The following UGT1A9 variants were observed in gnomAD, a reference collection of about 807,000 sequenced individuals.
The protein encoded by UGT1A9 is UDP glucuronosyltransferase family 1 member A9, also known as UDP-glucuronosyltransferase 1A9.
A neutral mutation model predicts 45.0 loss-of-function variants in UGT1A9; 35 were observed. The ratio of observed to expected loss-of-function variants is 0.78; its 90% CI spans 0.59 to 1.03. The LOEUF (loss-of-function observed/expected upper bound fraction) is 1.03. UGT1A9 is among the 50% of genes least tolerant of loss of function. The pLI, the probability that UGT1A9 is intolerant of heterozygous loss-of-function variation, is 0.00. For synonymous variants in UGT1A9, 278 were observed against 250.6 expected, an observed-to-expected ratio of 1.11 and a Z score of -1.03; for missense variants, 687 against 666.6, an observed-to-expected ratio of 1.03 and a Z score of -0.34.
intron 1 of UGT1A9, chr2:233,717,721 G>A: frequency 2.2e-6 from 1 of 454,902 alleles, no homozygotes; most frequent in South Asian, 1.6e-5. Context: ...TCATGGGCAT[G>A]AGACCATTGT....
At chr2:233,748,098 A>G (rs1489577021) in intron 1 of UGT1A9, 1 of 1,612,584 alleles carries the variant, frequency 6.2e-7, no homozygotes, top group African/African-American at 1.3e-5. Flanking sequence ...TCGTGCCTTC[A>G]TCCAATCAAT....
chr2:233,676,215 C>T (rs1262027690), intron 1 of UGT1A9, among the ~76,000 whole-genome samples: 2 of 152,116 alleles, frequency 1.3e-5, no homozygotes, highest in East Asian at 1.9e-4. Flanking sequence ...AATCCTTCAC[C>T]GATGGATTCA....
chr2:233,675,322 G>A (rs2074317475), intron 1 of UGT1A9, among the ~76,000 whole-genome samples: 1 of 152,168 alleles, frequency 6.6e-6, no homozygotes, highest in African/African-American at 2.4e-5. Context: ...GTTGATTAAT[G>A]ATGTGTAAAT....
chr2:233,761,524 A>G (rs1388397599), intron 1 of UGT1A9, among the ~76,000 whole-genome samples: 1 of 152,234 alleles, frequency 6.6e-6, no homozygotes, highest in Non-Finnish European at 1.5e-5. Flanking sequence ...AATGTTCAGG[A>G]CTGATGAAAT....
Position 233,672,792 on chromosome 2 carries a change from A to G in UGT1A9, c.855+3A>G, listed in dbSNP as rs1377886335. 1 of 1,612,804 alleles carries G rather than the reference A, an allele frequency of 6.2e-7. No individual in the cohort carries two copies. Among genetic ancestry groups the G allele is most frequent in the Non-Finnish European group, 8.5e-7 (1 of 1,179,156 alleles). On this transcript the variant is annotated splice_donor_region_variant and intron_variant, in intron 1 of 4. Transcript: ENST00000354728. The stretch of plus-strand genomic sequence containing the variant: ...ATCAGGGAAAGCCGTTGCCTATGGT[A>G]AGTTATCTCTCCTTTAGCACCTTAA...
intron 1 of UGT1A9, chr2:233,681,911 C>A: frequency 3.1e-6 from 5 of 1,599,730 alleles, no homozygotes; most frequent in Non-Finnish European, 4.3e-6. Context: ...AGAATCCCAG[C>A]TGCTGGCTCT....
rs377501831 is a variant in UGT1A9, at chr2:233,767,899, G to A, written c.1038G>A (p.Thr346=). The A allele has an allele frequency of 2.4e-5, 38 of 1,614,024 alleles. No homozygotes were observed. Among genetic ancestry groups the A allele is most frequent in the Admixed American group, 8.3e-5 (5 of 59,994 alleles). ...GTRPSNLANN[T]ILVKWLPQND... ...GACCATCGAATCTTGCGAACAACAC[G>A]ATACTTGTTAAGTGGCTACCCCAAA... The change falls in exon 3 of 5, where the codon ACG becomes ACA. Residue 346 remains threonine (T), a synonymous_variant. Transcript: ENST00000354728.
intron 1 of UGT1A9, among the ~76,000 whole-genome samples, chr2:233,700,404 A>G (rs1297317777): frequency 6.6e-6 from 1 of 152,178 alleles, no homozygotes; most frequent in Non-Finnish European, 1.5e-5. Context: ...TTTTGGCAGC[A>G]GTGTTTCTGT....
At position 233,759,475 on chromosome 2, in the gene UGT1A9, C is replaced by T. The variant is rs1697147555; in HGVS notation, c.856-7559C>T. Among the ~76,000 whole-genome samples, 2 of 152,182 alleles carry T rather than the reference C, an allele frequency of 1.3e-5. 1 individual carries two copies. The highest frequency in any genetic ancestry group is 2.9e-5 in the Non-Finnish European group (2 of 68,032). ...AGTTAGCCACTCAAGATCTATCTTA[C>T]AGGACTGGCTCTTTCAGGTTCACAC... is the stretch of plus-strand genomic sequence containing the variant. On this transcript the variant is annotated intron_variant, in intron 1 of 4. Coordinates refer to ENST00000354728, the MANE Select transcript of UGT1A9 (RefSeq NM_021027.3).
intron 1 of UGT1A9, chr2:233,747,817 C>T: frequency 6.2e-7 from 1 of 1,613,510 alleles, no homozygotes; most frequent in South Asian, 1.1e-5. Flanking sequence ...ACGACCAATT[C>T]AGACCACATG....
chr2:233,682,012 A>G (rs772323703), intron 1 of UGT1A9: 3 of 1,614,092 alleles, frequency 1.9e-6, no homozygotes, highest in Non-Finnish European at 2.5e-6. Flanking sequence ...TTGCCAAGGC[A>G]GGGAAGCTGC....
intron 1 of UGT1A9, among the ~76,000 whole-genome samples, chr2:233,726,698 T>C (rs1479327471): frequency 6.6e-6 from 1 of 152,232 alleles, no homozygotes; most frequent in Non-Finnish European, 1.5e-5. Context: ...ACGGAACATA[T>C]TCCCAGGTTT....
chr2:233,675,824 C>A (rs1357626629), intron 1 of UGT1A9, among the ~76,000 whole-genome samples: 2 of 151,922 alleles, frequency 1.3e-5, no homozygotes, highest in Non-Finnish European at 2.9e-5. Flanking sequence ...CATGTCATTC[C>A]ATCACTGAAC....
At chr2:233,683,766 G>A (rs2074649939) in intron 1 of UGT1A9, among the ~76,000 whole-genome samples, 1 of 151,860 alleles carries the variant, frequency 6.6e-6, no homozygotes, top group African/African-American at 2.4e-5. Flanking sequence ...CATAATTAAT[G>A]TACTGCTTTG....
intron 1 of UGT1A9, chr2:233,719,222 T>A: frequency 1.2e-6 from 2 of 1,614,238 alleles, no homozygotes; most frequent in Admixed American, 1.7e-5. Context: ...TACTGCATAA[T>A]GAGGCCCTGA....
In UGT1A9 at chr2:233,682,429, C is replaced by T. The variant is rs560254383; in HGVS notation, c.855+9640C>T. 7.7e-5 allele frequency: 125 copies of T among 1,613,912 alleles called. No homozygotes were observed. In the South Asian group the frequency reaches 1.4e-3, roughly 17 times the overall value. ...TTGTTGCCAAATATTTCTCCCTCCC[C>T]TCTGTGGTCTTCGCCAGGGGAATAT... On this transcript the variant is annotated intron_variant, in intron 1 of 4. Transcript: ENST00000354728.
rs764275523 is a variant in UGT1A9, at chr2:233,672,767, A to G, written c.833A>G (p.His278Arg). The change falls in exon 1 of 5, where the codon CAT becomes CGT. Residue 278 changes from histidine to arginine, a missense_variant. Transcript: ENST00000354728. ...NMIFIGGINC[H>R]QGKPLPMEFE... ...ATCTTCATTGGTGGTATCAACTGCC[A>G]TCAGGGAAAGCCGTTGCCTATGGTA... 1.9e-6 allele frequency: 3 copies of G among 1,613,804 alleles called. No individual in the cohort carries two copies. Among genetic ancestry groups the G allele is most frequent in the Non-Finnish European group, 2.5e-6 (3 of 1,179,748 alleles).
intron 1 of UGT1A9, among the ~76,000 whole-genome samples, chr2:233,676,940 A>G (rs1443138810): frequency 6.6e-6 from 1 of 152,132 alleles, no homozygotes; most frequent in Non-Finnish European, 1.5e-5. Context: ...TCTATTTGTG[A>G]AATATTTGAT....
In UGT1A9 at chr2:233,769,722, G is replaced by C. The variant is rs906143757; in HGVS notation, c.1295+1283G>C. The C allele has an allele frequency of 4.0e-5, 60 of 1,484,822 alleles. No homozygotes were observed. The highest frequency in any genetic ancestry group is 4.9e-5 in the Non-Finnish European group (55 of 1,116,098). 92.0% of individuals were successfully genotyped at this position (1,484,822 alleles called of 1,614,324 possible). On this transcript the variant is annotated intron_variant, in intron 4 of 4. Coordinates refer to ENST00000354728, the MANE Select transcript of UGT1A9 (RefSeq NM_021027.3). The surrounding 1 kb of genome is among the most constrained non-coding windows in gnomAD (Gnocchi z 4.4). ...AGATCAATGTTGGCTAGGCACCATGGCACACGCCTGTAGTCCCAGCCACTC... is the reference window on the plus strand; with the variant it reads ...AGATCAATGTTGGCTAGGCACCATGCCACACGCCTGTAGTCCCAGCCACTC...
Sources: allele counts gnomAD v4.1 joint callset (sites outside exome capture counted in the v4.1 genomes callset), GRCh38; gene constraint gnomAD v4.1.1; non-coding constraint Gnocchi (gnomAD v3.1); transcripts MANE v1.5; gene names NCBI Gene and HGNC (gene_info 2026-07-23, HGNC 2026-07-21).